The following MACF1 variants were observed in gnomAD, a reference collection of about 807,000 sequenced individuals.
The protein encoded by MACF1 is microtubule-actin cross-linking factor 1.
MACF1 carries 193 observed loss-of-function variants against 854.8 expected under a neutral mutation model. The ratio of observed to expected loss-of-function variants is 0.23; its 90% confidence interval spans 0.20 to 0.25. The LOEUF is 0.25. Ranked by LOEUF, MACF1 falls within the 10% of genes least tolerant of loss-of-function variation. The pLI, the probability that MACF1 is intolerant of heterozygous loss-of-function variation, is 1.00. For missense variants in MACF1, 7,722 were observed against 8,929.1 expected, an observed-to-expected ratio of 0.86 and a Z score of 5.45; for synonymous variants, 3,185 against 3,226.7, an observed-to-expected ratio of 0.99 and a Z score of 0.44.
intron 2 of MACF1, among the ~76,000 whole-genome samples, chr1:39,174,542 C>G (rs1643999400): frequency 6.6e-6 from 1 of 151,948 alleles, no homozygotes; most frequent in South Asian, 2.1e-4. Flanking sequence ...AACTTTTTAT[C>G]AGTCAGAGGC....
At position 39,422,180 on chromosome 1, in the gene MACF1, T is replaced by C. The variant is rs958159433; in HGVS notation, c.15817-194T>C. Among the ~76,000 whole-genome samples, 32 of 152,222 alleles carry C rather than the reference T, an allele frequency of 2.1e-4. 1 individual carries two copies. The highest frequency in any genetic ancestry group is 6.5e-5 in the Admixed American group (1 of 15,284). On this transcript the variant is annotated intron_variant, in intron 58 of 100. Transcript: ENST00000564288. ...AGTGTCATAACTCTCTGTAATTACA[T>C]GTCCATAGGAGAATGTATTGAAATA...
rs562425629 is a variant in MACF1, at chr1:39,307,585, A to C, written c.2790-1985A>C. On this transcript the variant is annotated intron_variant, in intron 23 of 100. Transcript: ENST00000564288. ...TTCTTGGATGATGATGATTATTATT[A>C]TTATTTTGAGACAGTCTCGCTCTGT... is the stretch of plus-strand genomic sequence containing the variant. 4.3e-4 allele frequency among the ~76,000 whole-genome samples: 65 copies of C among 152,092 alleles called. 1 individual carries two copies. The South Asian group carries it at 0.014, about 32-fold the overall frequency.
chr1:39,263,447 G>A (rs1163396537), intron 6 of MACF1, among the ~76,000 whole-genome samples: 4 of 151,976 alleles, frequency 2.6e-5, no homozygotes, highest in African/African-American at 7.3e-5. Context: ...TCAAATACTC[G>A]GAAGAGTATA....
At chr1:39,470,352 CT>C (rs997799804) in intron 97 of MACF1, among the ~76,000 whole-genome samples, 3 of 152,012 alleles carry the variant, frequency 2.0e-5, no homozygotes, top group Non-Finnish European at 2.9e-5. Context: ...TTAGAGGTTC[CT>C]TTTTTAAAAA....
At chr1:39,127,135 T>C (rs2148165762) in intron 2 of MACF1, among the ~76,000 whole-genome samples, 1 of 152,262 alleles carries the variant, frequency 6.6e-6, no homozygotes, top group Admixed American at 6.5e-5. Context: ...GGCAGGAGAA[T>C]TGCTTGAGCC....
At chr1:39,118,200 C>T (rs1248709461) in intron 2 of MACF1, among the ~76,000 whole-genome samples, 1 of 152,188 alleles carries the variant, frequency 6.6e-6, no homozygotes, top group Non-Finnish European at 1.5e-5. Context: ...AGACCTACTA[C>T]AAACATTCGT....
chr1:39,355,655 G>A (rs1457824499), intron 44 of MACF1, among the ~76,000 whole-genome samples: 3 of 151,898 alleles, frequency 2.0e-5, no homozygotes, highest in Non-Finnish European at 4.4e-5. Context: ...TAGTAGAGAC[G>A]GGGTTTCACC....
intron 58 of MACF1, among the ~76,000 whole-genome samples, chr1:39,405,155 T>C (rs966232038): frequency 6.6e-6 from 1 of 152,138 alleles, no homozygotes; most frequent in African/African-American, 2.4e-5. Context: ...ATCCTTAGTA[T>C]CCCACTTAAA....
intron 2 of MACF1, among the ~76,000 whole-genome samples, chr1:39,133,011 C>T (rs1055781122): frequency 4.6e-5 from 7 of 152,194 alleles, no homozygotes; most frequent in East Asian, 1.9e-4. Flanking sequence ...TTGCCACATC[C>T]GCTACTCAGC....
At chr1:39,236,267 T>G (rs1331714286) in intron 2 of MACF1, among the ~76,000 whole-genome samples, 1 of 152,210 alleles carries the variant, frequency 6.6e-6, no homozygotes, top group Non-Finnish European at 1.5e-5. Flanking sequence ...CTGGCTCTGG[T>G]TGCTGCCTAC....
At chr1:39,480,532 G>A (rs935741931) in intron 98 of MACF1, among the ~76,000 whole-genome samples, 1 of 152,144 alleles carries the variant, frequency 6.6e-6, no homozygotes, top group Non-Finnish European at 1.5e-5. Flanking sequence ...AGGAAGCTGA[G>A]GCAAGAGGAT....
intron 80 of MACF1, 92 bp from the exon 81 acceptor site, chr1:39,447,340 T>G: frequency 8.3e-7 from 1 of 1,205,228 alleles, no homozygotes; most frequent in Non-Finnish European, 1.2e-6. Context: ...TCATTTCATT[T>G]GTTGTACAAT....
At chr1:39,212,601 T>TA (rs1644529816) in intron 1 of MACF1, among the ~76,000 whole-genome samples, 3 of 152,186 alleles carry the variant, frequency 2.0e-5, no homozygotes, top group Admixed American at 2.0e-4. Flanking sequence ...GTGTCCTAAA[T>TA]CTCTGGTCAA....
chr1:39,379,403 A>C lies in MACF1; in HGVS notation c.13477A>C (p.Thr4493Pro), dbSNP rs1276317294. The change falls in exon 54 of 101, where the codon ACC (threonine) becomes CCC (proline). Residue 4493 changes from threonine (T) to proline (P), a missense_variant. Thr to Pro is a conservative substitution (Grantham distance 38). Transcript: ENST00000564288. ...LKSMDAMSSP[T>P]KTETVKAQAE... ...ATCCATGGATGCCATGTCATCTCCA[A>C]CCAAGACAGAAACAGTGAAAGCCCA... The C allele has an allele frequency of 6.2e-7, 1 of 1,614,150 alleles. No individual in the cohort carries two copies. The highest frequency in any genetic ancestry group is 8.5e-7 in the Non-Finnish European group (1 of 1,180,018).
At chr1:39,311,033 T>C (rs775831697) in intron 26 of MACF1, 33 bp downstream of exon 26, 2 of 1,593,766 alleles carry the variant, frequency 1.3e-6, no homozygotes, top group East Asian at 2.2e-5. Context: ...ATGCTGGTTG[T>C]GGAGTGAATG....
At chr1:39,128,743 T>C (rs1208879186) in intron 2 of MACF1, among the ~76,000 whole-genome samples, 1 of 152,114 alleles carries the variant, frequency 6.6e-6, no homozygotes, top group African/African-American at 2.4e-5. Context: ...TTCTGTAGTC[T>C]TTCCCTCACC....
chr1:39,445,572 C>G (rs533446790), intron 80 of MACF1, among the ~76,000 whole-genome samples: 2 of 152,300 alleles, frequency 1.3e-5, no homozygotes, highest in African/African-American at 4.8e-5. Context: ...ACATGAACAT[C>G]TTGAGAGAAG....
intron 2 of MACF1, among the ~76,000 whole-genome samples, chr1:39,166,623 T>A (rs1232349521): frequency 6.6e-6 from 1 of 151,638 alleles, no homozygotes; most frequent in African/African-American, 2.4e-5. Context: ...GGCTGATTTT[T>A]TGTATTTTTA....
At chr1:39,202,213 G>A (rs1396209956), upstream of MACF1, among the ~76,000 whole-genome samples, 4 of 149,652 alleles carry the variant, frequency 2.7e-5, no homozygotes, top group East Asian at 2.0e-4. Flanking sequence ...TGATCCACCC[G>A]CCTCCGCCTC....
Sources: allele counts gnomAD v4.1 joint callset (sites outside exome capture counted in the v4.1 genomes callset), GRCh38; gene constraint gnomAD v4.1.1; transcripts MANE v1.5; gene names NCBI Gene and HGNC (gene_info 2026-07-23, HGNC 2026-07-21).